The following PTPRD variants were observed in gnomAD, a reference collection of about 807,000 sequenced individuals.
PTPRD encodes the protein protein tyrosine phosphatase receptor type D.
PTPRD carries 34 observed loss-of-function variants against 214.5 expected under a neutral mutation model. The observed-to-expected ratio is 0.16, with a 90% CI of 0.12 to 0.21. The LOEUF is 0.21. Ranked by LOEUF, PTPRD falls within the 10% of genes least tolerant of loss-of-function variation. PTPRD has a pLI of 1.00. For synonymous variants in PTPRD, 1,128 were observed against 845.7 expected, an observed-to-expected ratio of 1.33 and a Z score of -5.79; for missense variants, 2,545 against 2,398.7, an observed-to-expected ratio of 1.06 and a Z score of -1.27.
chr9:9,339,094 G>T (rs1187175220), intron 9 of PTPRD, among the ~76,000 whole-genome samples: 1 of 151,956 alleles, frequency 6.6e-6, no homozygotes, highest in Non-Finnish European at 1.5e-5. Flanking sequence ...CCATTGGGAG[G>T]GCTTCTCCAT....
chr9:8,662,847 A>G (rs2097092044), intron 12 of PTPRD, among the ~76,000 whole-genome samples: 1 of 152,142 alleles, frequency 6.6e-6, no homozygotes, highest in African/African-American at 2.4e-5. Context: ...TGGCACACAC[A>G]TTTACCTTTT....
At chr9:10,612,225 G>T (rs200791953) in intron 2 of PTPRD, among the ~76,000 whole-genome samples, 173 bp downstream of exon 2, 5 of 105,116 alleles carry the variant, frequency 4.8e-5, no homozygotes, top group Admixed American at 1.0e-4. Flanking sequence ...AAAAAAAAAA[G>T]AAAAAAATGC....
intron 7 of PTPRD, among the ~76,000 whole-genome samples, chr9:9,720,009 C>A (rs574435110): frequency 6.6e-6 from 1 of 152,250 alleles, no homozygotes; most frequent in South Asian, 2.1e-4. Flanking sequence ...ACCTGGCTCA[C>A]CCTTGGCAGG....
In PTPRD at chr9:10,580,521, T is replaced by C. The variant is rs2071359280; in HGVS notation, c.-600+31877A>G. On this transcript the variant is annotated intron_variant, in intron 2 of 45. Transcript: ENST00000381196. ...TTTTAATTGCATAAAATTTTGTTAA[T>C]ATCAATTATTTCAATCATTTTATTA... 1.3e-5 allele frequency among the ~76,000 whole-genome samples: 2 copies of C among 152,206 alleles called. 1 individual carries two copies. The highest frequency in any genetic ancestry group is 4.1e-4 in the South Asian group (2 of 4,836).
intron 2 of PTPRD, among the ~76,000 whole-genome samples, chr9:10,470,813 T>A (rs138966315): frequency 6.6e-6 from 1 of 151,188 alleles, no homozygotes; most frequent in Non-Finnish European, 1.5e-5. Context: ...GAAACAGGAG[T>A]GGTGGAGGGT....
At chr9:9,511,951 C>G (rs1198678242) in intron 8 of PTPRD, among the ~76,000 whole-genome samples, 1 of 151,718 alleles carries the variant, frequency 6.6e-6, no homozygotes, top group Non-Finnish European at 1.5e-5. Context: ...TCCTTCTCTA[C>G]TAGACACATG....
chr9:8,564,013 T>C (rs1235211879), intron 14 of PTPRD, among the ~76,000 whole-genome samples: 2 of 152,144 alleles, frequency 1.3e-5, no homozygotes, highest in Non-Finnish European at 2.9e-5. Context: ...CAATACATAT[T>C]GAGTAGAAAC....
At chr9:10,392,210 T>A (rs1037097570) in intron 2 of PTPRD, among the ~76,000 whole-genome samples, 1 of 152,000 alleles carries the variant, frequency 6.6e-6, no homozygotes, top group African/African-American at 2.4e-5. Flanking sequence ...ATAGCAAAGA[T>A]ATAATCATGC....
At position 10,184,386 on chromosome 9, in the gene PTPRD, C is replaced by G. The variant is rs887389602; in HGVS notation, c.-544-150596G>C. Among the ~76,000 whole-genome samples the G allele has an allele frequency of 2.9e-4, 44 of 151,766 alleles. 1 individual carries two copies. Among genetic ancestry groups the G allele is most frequent in the Non-Finnish European group, 5.9e-5 (4 of 67,966 alleles). Reference sequence around the variant, plus strand: ...GTTGCAATGAGCCAAGATGGCACCACGGCACTCCAGCCTGGAAAACAGAGC... The same window carrying G: ...GTTGCAATGAGCCAAGATGGCACCAGGGCACTCCAGCCTGGAAAACAGAGC... On this transcript the variant is annotated intron_variant, in intron 3 of 45. Coordinates refer to ENST00000381196, the MANE Select transcript of PTPRD (RefSeq NM_002839.4).
intron 10 of PTPRD, among the ~76,000 whole-genome samples, chr9:9,182,650 A>G (rs199995185): frequency 1.3e-5 from 2 of 152,058 alleles, no homozygotes; most frequent in East Asian, 3.9e-4. Flanking sequence ...AGAGGATTTT[A>G]AACAAAAAGT....
chr9:9,564,895 T>C (rs992821597), intron 8 of PTPRD, among the ~76,000 whole-genome samples: 1 of 135,330 alleles, frequency 7.4e-6, no homozygotes, highest in African/African-American at 2.9e-5. Context: ...TTTTTTTTTT[T>C]TTTTTTTTTT....
intron 5 of PTPRD, among the ~76,000 whole-genome samples, chr9:9,849,623 A>C (rs1240963445): frequency 6.6e-6 from 1 of 152,010 alleles, no homozygotes; most frequent in African/African-American, 2.4e-5. Flanking sequence ...AAGTAGAAGC[A>C]CATTTATGTA....
chr9:10,513,230 G>A (rs1158034326), intron 2 of PTPRD, among the ~76,000 whole-genome samples: 1 of 151,782 alleles, frequency 6.6e-6, no homozygotes, highest in Non-Finnish European at 1.5e-5. Context: ...TTTTAAAAAT[G>A]TTGTTTGGAA....
At chr9:8,724,158 G>A (rs530873664) in intron 12 of PTPRD, among the ~76,000 whole-genome samples, 2 of 152,122 alleles carry the variant, frequency 1.3e-5, no homozygotes, top group Non-Finnish European at 2.9e-5. Context: ...TGATTAAAAA[G>A]TGAAATTACA....
chr9:8,377,118 T>C (rs2083478924), intron 37 of PTPRD, among the ~76,000 whole-genome samples: 1 of 152,140 alleles, frequency 6.6e-6, no homozygotes, highest in Non-Finnish European at 1.5e-5. Flanking sequence ...TAAGATAGTG[T>C]TACTTCATCA....
intron 37 of PTPRD, among the ~76,000 whole-genome samples, chr9:8,384,096 G>T (rs2086124953): frequency 6.6e-6 from 1 of 152,160 alleles, no homozygotes; most frequent in Admixed American, 6.6e-5. Context: ...TAAAAAAGCA[G>T]ATGAATCCTA....
chr9:8,565,579 G>C (rs2088672795), intron 14 of PTPRD, among the ~76,000 whole-genome samples: 1 of 151,884 alleles, frequency 6.6e-6, no homozygotes, highest in African/African-American at 2.4e-5. Flanking sequence ...AGGTGCATTT[G>C]GTTTTTAAAT....
chr9:9,989,894 C>T (rs953705867), intron 4 of PTPRD, among the ~76,000 whole-genome samples: 5 of 152,182 alleles, frequency 3.3e-5, no homozygotes, highest in South Asian at 2.1e-4. Flanking sequence ...GCACCCTCCC[C>T]GCTACCTCCA....
intron 8 of PTPRD, among the ~76,000 whole-genome samples, chr9:9,546,523 C>G (rs1190800615): frequency 6.6e-6 from 1 of 151,448 alleles, no homozygotes; most frequent in African/African-American, 2.4e-5. Context: ...ATGTATTTAT[C>G]TTAATTTTCA....
Sources: gnomAD v4.1 joint callset for allele counts (sites outside exome capture counted in the v4.1 genomes callset) on GRCh38, gnomAD v4.1.1 for gene constraint, MANE v1.5 for transcripts, NCBI Gene and HGNC (gene_info 2026-07-23, HGNC 2026-07-21) for gene names.